Variants in PDZRN4 observed in about 807,000 individuals in gnomAD.
PDZRN4 encodes the protein PDZ domain containing ring finger 4.
Under a neutral mutation model 99.0 loss-of-function variants are expected in PDZRN4, and 70 were observed. The ratio of observed to expected loss-of-function variants is 0.71; its 90% confidence interval spans 0.58 to 0.86. The LOEUF is 0.86. PDZRN4 is among the 40% of genes least tolerant of loss of function. The pLI, the probability that PDZRN4 is intolerant of heterozygous loss-of-function variation, is 0.00. For synonymous variants in PDZRN4, 551 were observed against 501.6 expected, an observed-to-expected ratio of 1.10 and a Z score of -1.32; for missense variants, 1,474 against 1,331.2, an observed-to-expected ratio of 1.11 and a Z score of -1.67.
At chr12:41,403,607 G>A (rs1952320751) in intron 3 of PDZRN4, among the ~76,000 whole-genome samples, 1 of 152,052 alleles carries the variant, frequency 6.6e-6, no homozygotes, top group South Asian at 2.1e-4. Flanking sequence ...GTGGGGGTTG[G>A]GATGACAGGA....
At chr12:41,476,094 G>T (rs1216038168) in intron 3 of PDZRN4, among the ~76,000 whole-genome samples, 1 of 152,114 alleles carries the variant, frequency 6.6e-6, no homozygotes, top group East Asian at 1.9e-4. Context: ...GACAGCCTTT[G>T]AGATCCCAAA....
Position 41,452,274 on chromosome 12 carries a change from CAA to C in PDZRN4, c.844-54168_844-54167del, listed in dbSNP as rs34065905. Reference sequence around the variant, plus strand: ...GAAACCCTGTCTCTACTAAAAAATACAAAAAAAAAAAAAAATTAGCCAGTCGT... The same window carrying C: ...GAAACCCTGTCTCTACTAAAAAATACAAAAAAAAAAAAATTAGCCAGTCGT... On this transcript the variant is annotated intron_variant, in intron 3 of 9. Transcript: ENST00000402685. Among the ~76,000 whole-genome samples the C allele has an allele frequency of 1.5e-3, 204 of 135,620 alleles. 1 individual carries two copies. Among genetic ancestry groups the C allele is most frequent in the African/African-American group, 3.1e-3 (117 of 37,450 alleles). The allele number at this position is 135,620 out of a possible 152,430, so 89.0% of individuals were successfully genotyped here. A position where few individuals can be genotyped will look rare whatever the true frequency, so the allele number is the denominator to read the frequency against.
chr12:41,550,385 A>G (rs553861797), intron 5 of PDZRN4, among the ~76,000 whole-genome samples: 2 of 152,074 alleles, frequency 1.3e-5, no homozygotes, highest in African/African-American at 4.8e-5. Context: ...TCACTAAGAG[A>G]TACTCCTCAA....
intron 3 of PDZRN4, among the ~76,000 whole-genome samples, chr12:41,235,169 G>A (rs910570543): frequency 1.3e-5 from 2 of 152,068 alleles, no homozygotes; most frequent in Non-Finnish European, 1.5e-5. Flanking sequence ...GTAATTTTAT[G>A]TTGTTCAGAT....
intron 5 of PDZRN4, among the ~76,000 whole-genome samples, chr12:41,549,263 C>A (rs1252279232): frequency 6.6e-6 from 1 of 152,132 alleles, no homozygotes; most frequent in East Asian, 1.9e-4. Context: ...GGAAAACATT[C>A]TCTATTACCA....
At chr12:41,418,318 AT>A (rs1952460850) in intron 3 of PDZRN4, among the ~76,000 whole-genome samples, 1 of 152,216 alleles carries the variant, frequency 6.6e-6, no homozygotes, top group African/African-American at 2.4e-5. Context: ...AATCATTGTT[AT>A]CAATTCTGCT....
chr12:41,282,172 A>G (rs570466263), intron 3 of PDZRN4, among the ~76,000 whole-genome samples: 2 of 152,320 alleles, frequency 1.3e-5, no homozygotes, highest in Non-Finnish European at 2.9e-5. Context: ...AAAGGGATGG[A>G]GGAATATTTA....
At chr12:41,279,821 C>T (rs1951371659) in intron 3 of PDZRN4, among the ~76,000 whole-genome samples, 2 of 152,200 alleles carry the variant, frequency 1.3e-5, no homozygotes, top group Non-Finnish European at 2.9e-5. Context: ...AAAAGCCCAC[C>T]TGCAAGGCAT....
At chr12:41,208,040 C>G (rs1950863136) in intron 3 of PDZRN4, among the ~76,000 whole-genome samples, 2 of 151,640 alleles carry the variant, frequency 1.3e-5, no homozygotes, top group South Asian at 2.1e-4. Context: ...ATTGAAAGAT[C>G]CTGAAACATT....
At position 41,330,212 on chromosome 12, in the gene PDZRN4, A is replaced by T. The variant is rs551393841; in HGVS notation, c.843+136024A>T. Among the ~76,000 whole-genome samples, 3 of 152,222 alleles carry T rather than the reference A, an allele frequency of 2.0e-5. No individual in the cohort carries two copies. The East Asian group carries it at 5.8e-4, about 29-fold the overall frequency. Reference sequence around the variant, plus strand: ...TACAAAGTATTTCTGATAAAATCTGAATGAGTTAAACCATTGATAACCCAT... The same window carrying T: ...TACAAAGTATTTCTGATAAAATCTGTATGAGTTAAACCATTGATAACCCAT... On this transcript the variant is annotated intron_variant, in intron 3 of 9. Coordinates refer to ENST00000402685, the MANE Select transcript of PDZRN4 (RefSeq NM_001164595.2).
chr12:41,198,971 C>A (rs148991157), intron 3 of PDZRN4, among the ~76,000 whole-genome samples: 3 of 152,222 alleles, frequency 2.0e-5, no homozygotes, highest in African/African-American at 4.8e-5. Context: ...AAATGAAAAT[C>A]TTTGGTAGTT....
intron 5 of PDZRN4, among the ~76,000 whole-genome samples, chr12:41,538,530 A>C (rs574276849): frequency 1.6e-4 from 25 of 152,316 alleles, no homozygotes; most frequent in African/African-American, 6.0e-4. Context: ...AGAATGAAGA[A>C]TAGATAATGC....
chr12:41,450,448 C>G (rs775476567), intron 3 of PDZRN4, among the ~76,000 whole-genome samples: 13 of 152,144 alleles, frequency 8.5e-5, no homozygotes, highest in African/African-American at 3.1e-4. Context: ...TAGCTTTAAA[C>G]TGTGACCAAA....
rs185041459 is a variant in PDZRN4 at position 41,203,621 on chromosome 12, T to A, written c.843+9433T>A. Among the ~76,000 whole-genome samples the A allele has an allele frequency of 6.7e-4, 102 of 152,168 alleles. 1 individual carries two copies. The highest frequency in any genetic ancestry group is 2.4e-3 in the African/African-American group (99 of 41,564). ...ATGAGGTTGGTACTGTAGGTATTAA[T>A]GGTGTCCCATTTTACAGATGAGAAG... On this transcript the variant is annotated intron_variant, in intron 3 of 9. Coordinates refer to ENST00000402685, the MANE Select transcript of PDZRN4 (RefSeq NM_001164595.2).
intron 5 of PDZRN4, among the ~76,000 whole-genome samples, chr12:41,536,752 A>C (rs1230708780): frequency 6.8e-6 from 1 of 147,398 alleles, no homozygotes; most frequent in Non-Finnish European, 1.5e-5. Context: ...AATAACATCT[A>C]TTGAAAAGTA....
intron 7 of PDZRN4, among the ~76,000 whole-genome samples, chr12:41,556,556 G>T (rs1939167812): frequency 6.6e-6 from 1 of 152,168 alleles, no homozygotes; most frequent in African/African-American, 2.4e-5. Context: ...TAATCTTATG[G>T]GCCCATTGAT....
At chr12:41,343,992 G>T (rs1370975205) in intron 3 of PDZRN4, among the ~76,000 whole-genome samples, 2 of 151,972 alleles carry the variant, frequency 1.3e-5, no homozygotes, top group African/African-American at 4.8e-5. Context: ...AATTATGTTA[G>T]GTCCAATAAA....
At chr12:41,232,434 C>T (rs58479177) in intron 3 of PDZRN4, among the ~76,000 whole-genome samples, 9,297 of 152,044 alleles carry the variant, frequency 0.061, 451 homozygotes, top group East Asian at 0.17. Flanking sequence ...GGGTGTTCAT[C>T]GGCTGCATCC....
intron 3 of PDZRN4, among the ~76,000 whole-genome samples, chr12:41,413,779 C>T (rs911470828): frequency 6.6e-6 from 1 of 152,058 alleles, no homozygotes; most frequent in African/African-American, 2.4e-5. Context: ...TTGCCACTCT[C>T]TGACTTTTAA....
Sources: allele counts gnomAD v4.1 joint callset (sites outside exome capture counted in the v4.1 genomes callset), GRCh38; gene constraint gnomAD v4.1.1; transcripts MANE v1.5; gene names NCBI Gene and HGNC (gene_info 2026-07-23, HGNC 2026-07-21).